PAX3: variants seen among roughly 807,000 people sequenced by gnomAD.
PAX3 encodes the protein paired box protein Pax-3.
Under a neutral mutation model 51.6 loss-of-function variants are expected in PAX3, and 14 were observed. That is an observed-to-expected ratio of 0.27 (90% CI 0.18 to 0.42). PAX3 has a LOEUF of 0.42. Ranked by LOEUF, PAX3 falls within the 10% of genes least tolerant of loss-of-function variation. The probability of loss-of-function intolerance (pLI) is 1.00; values close to 1 mark genes in which losing one functional copy is unlikely to be tolerated. For synonymous variants in PAX3, 280 were observed against 253.4 expected (o/e 1.11, Z -1.00); for missense variants, 540 against 642.8 (o/e 0.84, Z 1.73).
In PAX3 at chr2:222,202,042, C is replaced by T; in HGVS notation, c.1322G>A (p.Ser441Asn). ...QRLDHMKSLD[S>N]LPTSQSYCPP... ...ACAGTAGGACTGAGATGTTGGCAGA[C>T]TGTCCAAGCTCTTCATATGGTCTAG... is the stretch of plus-strand genomic sequence containing the variant. Residue 441 changes from serine (S) to asparagine (N), a missense_variant, in exon 8 of 9, where the codon AGT becomes AAT. Around this residue, in one of 3 missense-constraint regions of PAX3, gnomAD observed 427 missense variants for 483.6 expected, o/e 0.88. Coordinates refer to ENST00000392070, the MANE Select transcript of PAX3 (RefSeq NM_181458.4). 1 of 1,614,124 alleles carries T rather than the reference C, an allele frequency of 6.2e-7. No individual in the cohort carries two copies. Among genetic ancestry groups the T allele is most frequent in the Admixed American group, 1.7e-5 (1 of 60,010 alleles).
At chr2:222,281,392 G>C (rs145687145) in intron 4 of PAX3, among the ~76,000 whole-genome samples, 5 of 152,106 alleles carry the variant, frequency 3.3e-5, no homozygotes, top group Admixed American at 6.6e-5. Context: ...AAACTTACAC[G>C]TTTATAAATC....
intron 4 of PAX3, among the ~76,000 whole-genome samples, chr2:222,251,415 C>A (rs1042769432): frequency 1.3e-5 from 2 of 152,144 alleles, no homozygotes; most frequent in Non-Finnish European, 2.9e-5. Context: ...TCATCCATGT[C>A]CCTACAAAGG....
At chr2:222,286,001 G>A (rs762914883) in intron 4 of PAX3, among the ~76,000 whole-genome samples, 7 of 152,174 alleles carry the variant, frequency 4.6e-5, no homozygotes, top group African/African-American at 7.2e-5. Flanking sequence ...GCAGTAGCAC[G>A]ATCTCGGCTC....
chr2:222,203,012 C>CATATATATATAT lies in PAX3; in HGVS notation c.1174-834_1174-823dup, dbSNP rs71053057. On this transcript the variant is annotated intron_variant, in intron 7 of 8. Transcript: ENST00000392070. ...TTATTTCTTCTCTAAACAACCATTT[C>CATATATATATAT]ATATATATATATATATATATATATA... 4.2e-3 allele frequency among the ~76,000 whole-genome samples: 173 copies of CATATATATATAT among 41,168 alleles called. 19 individuals carry two copies. Among genetic ancestry groups the CATATATATATAT allele is most frequent in the East Asian group, 0.018 (6 of 342 alleles). The allele number at this position is 41,168 out of a possible 152,430, so 27.0% of individuals were successfully genotyped here.
At chr2:222,203,380 C>G (rs1000050293) in intron 7 of PAX3, among the ~76,000 whole-genome samples, 1 of 151,972 alleles carries the variant, frequency 6.6e-6, no homozygotes, top group African/African-American at 2.4e-5. Context: ...CAAGAGCCCC[C>G]CCGAAGACAC....
At chr2:222,225,024 A>T (rs1048784427) in intron 5 of PAX3, among the ~76,000 whole-genome samples, 1 of 152,158 alleles carries the variant, frequency 6.6e-6, no homozygotes, top group African/African-American at 2.4e-5. Flanking sequence ...AATTCAATGT[A>T]ATTTTACTAT....
chr2:222,268,658 A>G (rs571094999), intron 4 of PAX3, among the ~76,000 whole-genome samples: 1 of 152,202 alleles, frequency 6.6e-6, no homozygotes, highest in South Asian at 2.1e-4. Flanking sequence ...TGTTCGCCAA[A>G]TCCTTCATAT....
intron 4 of PAX3, among the ~76,000 whole-genome samples, chr2:222,286,484 C>G (rs1485406906): frequency 6.6e-6 from 1 of 152,224 alleles, no homozygotes; most frequent in Admixed American, 6.5e-5. Context: ...ATTTATCAAT[C>G]ACCTCAGTAA....
intron 7 of PAX3, among the ~76,000 whole-genome samples, chr2:222,212,578 T>G (rs1691782179): frequency 6.6e-6 from 1 of 151,582 alleles, no homozygotes; most frequent in Non-Finnish European, 1.5e-5. Flanking sequence ...ACACCTCTGA[T>G]GAAACCCAGA....
intron 4 of PAX3, among the ~76,000 whole-genome samples, chr2:222,269,438 AT>A (rs1211470850): frequency 2.0e-5 from 3 of 152,212 alleles, no homozygotes; most frequent in Non-Finnish European, 4.4e-5. Context: ...AAGAGCTGCC[AT>A]TCATTTGCAG....
At position 222,220,245 on chromosome 2, in the gene PAX3, G is replaced by A. The variant is rs1397515712; in HGVS notation, c.1068C>T (p.Leu356=). 1.2e-6 allele frequency: 2 copies of A among 1,613,978 alleles called. No homozygotes were observed. The highest frequency in any genetic ancestry group is 2.2e-5 in the South Asian group (2 of 91,078). Residue 356 remains leucine (L), a synonymous_variant, in exon 7 of 9, where the codon CTC becomes CTT. Transcript: ENST00000392070. ...SNPDSSSAYC[L]PSTRHGFSSY... ...TGGAAAATCCATGCCTGGTGCTGGG[G>A]AGGCAGTAGGCAGAGCTGCTGTCTG...
Position 222,298,833 on chromosome 2 carries a change from T to C in PAX3, c.-218A>G. The C allele has an allele frequency of 1.7e-6, 1 of 601,602 alleles. No individual in the cohort carries two copies. Among genetic ancestry groups the C allele is most frequent in the South Asian group, 2.0e-5 (1 of 51,260 alleles). The allele number at this position is 601,602 out of a possible 1,614,324, so 37.3% of individuals were successfully genotyped here. A position where few individuals can be genotyped will look rare whatever the true frequency, so the allele number is the denominator to read the frequency against. Reference sequence around the variant, plus strand: ...AGGGGAGGACGGGGAGGCCCCGGAGTCCAGGATCCCGAGCCCAGGGCGGAA... The same window carrying C: ...AGGGGAGGACGGGGAGGCCCCGGAGCCCAGGATCCCGAGCCCAGGGCGGAA... On this transcript the variant is annotated 5_prime_UTR_variant, in exon 1 of 9. Coordinates refer to ENST00000392070, the MANE Select transcript of PAX3 (RefSeq NM_181458.4).
At chr2:222,287,216 T>TG (rs1334885167) in intron 4 of PAX3, among the ~76,000 whole-genome samples, 1 of 152,312 alleles carries the variant, frequency 6.6e-6, no homozygotes, top group South Asian at 2.1e-4. Flanking sequence ...GGGCAGAGGA[T>TG]GGCCATTAGG....
chr2:222,271,941 C>A (rs1694266152), intron 4 of PAX3, among the ~76,000 whole-genome samples: 1 of 152,184 alleles, frequency 6.6e-6, no homozygotes, highest in Non-Finnish European at 1.5e-5. Context: ...GCTGTTTTAT[C>A]AAAGAATTTT....
intron 4 of PAX3, chr2:222,287,477 C>A (rs1280224770): frequency 6.6e-6 from 1 of 152,176 alleles, no homozygotes; most frequent in Non-Finnish European, 1.5e-5. Context: ...TAAGATCAGG[C>A]CCAACTTGGA....
At chr2:222,212,251 A>G (rs1691766679) in intron 7 of PAX3, among the ~76,000 whole-genome samples, 2 of 152,150 alleles carry the variant, frequency 1.3e-5, no homozygotes, top group Non-Finnish European at 1.5e-5. Context: ...TTTTTAACGC[A>G]ATCTGCCCAG....
chr2:222,218,751 A>G (rs1163756785), intron 7 of PAX3, among the ~76,000 whole-genome samples: 1 of 152,186 alleles, frequency 6.6e-6, no homozygotes, highest in Non-Finnish European at 1.5e-5. Context: ...TGTAGGAAGC[A>G]CTTTCATTGT....
chr2:222,279,709 T>C (rs1331281161), intron 4 of PAX3, among the ~76,000 whole-genome samples: 4 of 152,216 alleles, frequency 2.6e-5, no homozygotes, highest in Non-Finnish European at 5.9e-5. Flanking sequence ...TGGGTTTTCA[T>C]GTTACAAAAA....
chr2:222,291,165 G>A (rs1695022077), intron 4 of PAX3, among the ~76,000 whole-genome samples: 1 of 152,178 alleles, frequency 6.6e-6, no homozygotes, highest in Admixed American at 6.5e-5. Flanking sequence ...GAACAGAGGC[G>A]CCCATTGAGC....
Sources: allele counts gnomAD v4.1 joint callset (sites outside exome capture counted in the v4.1 genomes callset), GRCh38; gene constraint gnomAD v4.1.1; regional missense constraint gnomAD v4.1.1; transcripts MANE v1.5; gene names NCBI Gene and HGNC (gene_info 2026-07-23, HGNC 2026-07-21).